PIEZO2: variants seen among roughly 807,000 people sequenced by gnomAD.
The protein encoded by PIEZO2 is piezo-type mechanosensitive ion channel component 2.
In PIEZO2, 172 loss-of-function variants were observed where a neutral mutation model predicts 337.3. The observed-to-expected ratio is 0.51, with a 90% confidence interval of 0.45 to 0.58. The LOEUF is 0.58. PIEZO2 is among the 20% of genes least tolerant of loss of function. PIEZO2 has a pLI of 0.00. For missense variants in PIEZO2, 3,028 were observed against 3,391.3 expected, an observed-to-expected ratio of 0.89 and a Z score of 2.66; for synonymous variants, 1,251 against 1,228.5, an observed-to-expected ratio of 1.02 and a Z score of -0.38.
chr18:11,025,360 T>C (rs1442749475), intron 2 of PIEZO2, among the ~76,000 whole-genome samples: 1 of 152,146 alleles, frequency 6.6e-6, no homozygotes, highest in African/African-American at 2.4e-5. Flanking sequence ...ACCATATTTT[T>C]TGTTTGATGG....
chr18:11,108,159 T>C (rs188314130), intron 1 of PIEZO2, among the ~76,000 whole-genome samples: 260 of 152,332 alleles, frequency 1.7e-3, no homozygotes, highest in Non-Finnish European at 2.6e-3. Context: ...ATGCTCTGCA[T>C]TCATTCAAGA....
chr18:10,983,768 C>A (rs972175580), intron 2 of PIEZO2, among the ~76,000 whole-genome samples: 1 of 152,136 alleles, frequency 6.6e-6, no homozygotes, highest in Non-Finnish European at 1.5e-5. Context: ...TGTGCATGGC[C>A]TGCACAAGCT....
intron 3 of PIEZO2, among the ~76,000 whole-genome samples, chr18:10,920,098 G>C (rs978456040): frequency 6.6e-6 from 1 of 152,072 alleles, no homozygotes; most frequent in Non-Finnish European, 1.5e-5. Flanking sequence ...CACAAGATTC[G>C]CACTAACTAG....
chr18:10,948,873 A>G (rs2033153728), intron 3 of PIEZO2, among the ~76,000 whole-genome samples: 1 of 152,224 alleles, frequency 6.6e-6, no homozygotes, highest in Non-Finnish European at 1.5e-5. Context: ...GTATAGATAC[A>G]TACAGATGCA....
At chr18:10,735,752 T>A (rs2036970722) in intron 34 of PIEZO2, among the ~76,000 whole-genome samples, 1 of 152,110 alleles carries the variant, frequency 6.6e-6, no homozygotes, top group Admixed American at 6.6e-5. Context: ...AGTTTTTCTA[T>A]GTCACTGGGA....
At chr18:11,053,024 C>T (rs1028704408) in intron 2 of PIEZO2, among the ~76,000 whole-genome samples, 1 of 152,182 alleles carries the variant, frequency 6.6e-6, no homozygotes, top group Non-Finnish European at 1.5e-5. Flanking sequence ...CTGAGTGTGG[C>T]TCACCCATGC....
At position 10,726,460 on chromosome 18, in the gene PIEZO2, C is replaced by A. The variant is rs1222056176; in HGVS notation, c.5029+4947G>T. The A allele has an allele frequency of 5.2e-6, 8 of 1,528,688 alleles. No homozygotes were observed. Among genetic ancestry groups the A allele is most frequent in the African/African-American group, 1.4e-5 (1 of 72,696 alleles). 94.7% of individuals were successfully genotyped at this position (1,528,688 alleles called of 1,614,324 possible). On this transcript the variant is annotated intron_variant, in intron 36 of 55. Coordinates refer to ENST00000674853, the MANE Select transcript of PIEZO2 (RefSeq NM_001378183.1). The surrounding 1 kb of genome is among the most constrained non-coding windows in gnomAD (Gnocchi z 5.9). ...TACGGGCTACGGCCGGCGAACCCCACGAGGAGGGCCTGGCCACCCTGCACA... is the reference window on the plus strand; with the variant it reads ...TACGGGCTACGGCCGGCGAACCCCAAGAGGAGGGCCTGGCCACCCTGCACA...
intron 7 of PIEZO2, among the ~76,000 whole-genome samples, chr18:10,814,787 A>T (rs948859701): frequency 6.6e-6 from 1 of 152,158 alleles, no homozygotes; most frequent in African/African-American, 2.4e-5. Flanking sequence ...AGCTAAGTGG[A>T]TCAGTGGCCA....
chr18:10,852,330 G>A (rs2041578623), intron 7 of PIEZO2, among the ~76,000 whole-genome samples: 1 of 152,178 alleles, frequency 6.6e-6, no homozygotes, highest in Non-Finnish European at 1.5e-5. Context: ...AGAATAAGGT[G>A]GGAATGTGTG....
chr18:10,745,271 T>G (rs1462045803), intron 30 of PIEZO2, among the ~76,000 whole-genome samples: 11 of 152,098 alleles, frequency 7.2e-5, no homozygotes, highest in Non-Finnish European at 1.3e-4. Flanking sequence ...CTTCTTCCTC[T>G]CTTCTTGCAT....
At chr18:11,030,348 G>A (rs1172204453) in intron 2 of PIEZO2, among the ~76,000 whole-genome samples, 1 of 152,170 alleles carries the variant, frequency 6.6e-6, no homozygotes, top group Non-Finnish European at 1.5e-5. Context: ...AGAAAAGAGA[G>A]TATTGCTTTT....
rs966280071 is a variant in PIEZO2, at chr18:11,099,438, G to T, written c.65-33216C>A. 1.6e-4 allele frequency among the ~76,000 whole-genome samples: 25 copies of T among 152,152 alleles called. No individual in the cohort carries two copies. Among genetic ancestry groups the T allele is most frequent in the Admixed American group, 1.3e-4 (2 of 15,276 alleles). The stretch of plus-strand genomic sequence containing the variant: ...TTGTTTTTCAACAGGCAAGATGTGG[G>T]TTCTTCTTAACATTTCAATTTATAT... On this transcript the variant is annotated intron_variant, in intron 1 of 55. Transcript: ENST00000674853. This position sits in a 1 kb window ranked among gnomAD's most constrained non-coding sequence, Gnocchi z 5.4.
intron 1 of PIEZO2, among the ~76,000 whole-genome samples, chr18:11,121,875 C>T (rs1392963917): frequency 6.6e-6 from 1 of 152,208 alleles, no homozygotes; most frequent in African/African-American, 2.4e-5. Flanking sequence ...GCTCAATTAA[C>T]AAGTTCAATT....
chr18:10,793,763 G>A (rs1255458201), intron 13 of PIEZO2, among the ~76,000 whole-genome samples: 2 of 152,134 alleles, frequency 1.3e-5, no homozygotes, highest in Non-Finnish European at 2.9e-5. Context: ...AGGCATAGGA[G>A]TTTGGGATGA....
chr18:11,026,588 T>C (rs2660259), intron 2 of PIEZO2, among the ~76,000 whole-genome samples: 148,035 of 152,310 alleles, frequency 0.97, 71,977 homozygotes, highest in East Asian at 1. Flanking sequence ...TATTGGCCTA[T>C]GCTCCGTATG....
intron 21 of PIEZO2, among the ~76,000 whole-genome samples, chr18:10,768,302 C>T (rs762140504): frequency 7.9e-5 from 12 of 152,082 alleles, no homozygotes; most frequent in Non-Finnish European, 1.5e-4. Flanking sequence ...TTCAGGGACA[C>T]GGAGGAAAGT....
chr18:10,728,954 C>CAAAAAAA (rs143511795), intron 36 of PIEZO2, among the ~76,000 whole-genome samples: 72 of 75,182 alleles, frequency 9.6e-4, no homozygotes, highest in Middle Eastern at 8.8e-3. Flanking sequence ...GACTCTGTCT[C>CAAAAAAA]AAAAAAAAAA....
chr18:11,005,158 T>C (rs997797395), intron 2 of PIEZO2, among the ~76,000 whole-genome samples: 2 of 152,170 alleles, frequency 1.3e-5, no homozygotes, highest in Non-Finnish European at 2.9e-5. Flanking sequence ...TGGTAATGAA[T>C]GGGGGAAAAA....
Position 10,744,094 on chromosome 18 carries a change from C to A in PIEZO2, c.4514+48G>T. On this transcript the variant is annotated intron_variant, in intron 31 of 55. Coordinates refer to ENST00000674853, the MANE Select transcript of PIEZO2 (RefSeq NM_001378183.1). ...CAGTGGAGCACCAGCTGAATGTGGT[C>A]ACACAATCAGAAGACGGAAGGAGGA... 3.0e-6 allele frequency: 4 copies of A among 1,345,906 alleles called. No homozygotes were observed. In the South Asian group the frequency reaches 5.1e-5, roughly 17 times the overall value. 83.4% of individuals were successfully genotyped at this position (1,345,906 alleles called of 1,614,324 possible).
Sources: allele counts gnomAD v4.1 joint callset (sites outside exome capture counted in the v4.1 genomes callset), GRCh38; gene constraint gnomAD v4.1.1; non-coding constraint Gnocchi (gnomAD v3.1); transcripts MANE v1.5; gene names NCBI Gene and HGNC (gene_info 2026-07-23, HGNC 2026-07-21).